MPZL3: variants seen among roughly 807,000 people sequenced by gnomAD.
MPZL3 encodes the protein myelin protein zero like 3.
A neutral mutation model predicts 24.8 loss-of-function variants in MPZL3; 23 were observed. The observed-to-expected ratio is 0.93, with a 90% CI of 0.67 to 1.31. The LOEUF is 1.31. Ranked by LOEUF, MPZL3 falls within the 40% of genes most tolerant of loss-of-function variation. The pLI, the probability that MPZL3 is intolerant of heterozygous loss-of-function variation, is 0.00. For synonymous variants in MPZL3, 99 were observed against 106.5 expected, an observed-to-expected ratio of 0.93 and a Z score of 0.44; for missense variants, 277 against 294.9, an observed-to-expected ratio of 0.94 and a Z score of 0.44.
At chr11:118,230,273 C>T (rs1376858147) in intron 5 of MPZL3, among the ~76,000 whole-genome samples, 1 of 152,142 alleles carries the variant, frequency 6.6e-6, no homozygotes, top group Non-Finnish European at 1.5e-5. Context: ...CAGAAATGTG[C>T]AAAATTGTGG....
chr11:118,240,733 ACACACAC>A (rs1390637300), intron 1 of MPZL3, among the ~76,000 whole-genome samples: 3 of 14,568 alleles, frequency 2.1e-4, no homozygotes, highest in Non-Finnish European at 4.5e-4. Flanking sequence ...TCCCCCGCAG[ACACACAC>A]ACACACACAC....
Position 118,235,437 on chromosome 11 carries a change from C to G in MPZL3, c.604G>C (p.Glu202Gln), listed in dbSNP as rs776331692. Residue 202 changes from glutamate to glutamine, a missense_variant, in exon 4 of 6, where the codon GAG (glutamate) becomes CAG (glutamine). Physicochemically the swap from Glu to Gln is conservative, Grantham distance 29 (BLOSUM62 2). Coordinates refer to ENST00000278949, the MANE Select transcript of MPZL3 (RefSeq NM_198275.3). ...TGCTGGACTTACTCATCGGAAACCT[C>G]AATAGATGACTTCTTATAGCCAGAC... is the stretch of plus-strand genomic sequence containing the variant. ...SRSGYKKSSI[E>Q]VSDDTDQEEE... The G allele has an allele frequency of 6.2e-7, 1 of 1,613,790 alleles. No homozygotes were observed. The highest frequency in any genetic ancestry group is 1.1e-5 in the South Asian group (1 of 91,062).
At chr11:118,249,340 C>T (rs1165051990) in intron 1 of MPZL3, among the ~76,000 whole-genome samples, 1 of 152,098 alleles carries the variant, frequency 6.6e-6, no homozygotes, top group Non-Finnish European at 1.5e-5. Flanking sequence ...CTTTTCTCTA[C>T]ATATATATAC....
chr11:118,248,294 G>A (rs911231353), intron 1 of MPZL3, among the ~76,000 whole-genome samples: 15 of 152,100 alleles, frequency 9.9e-5, no homozygotes, highest in African/African-American at 3.4e-4. Flanking sequence ...GATTACAGGC[G>A]TGAGCCACCG....
chr11:118,244,537 C>G (rs958989055), intron 1 of MPZL3, among the ~76,000 whole-genome samples: 3 of 152,054 alleles, frequency 2.0e-5, no homozygotes, highest in Non-Finnish European at 4.4e-5. Flanking sequence ...AGACACAGCA[C>G]ATGCAAAGGT....
chr11:118,244,371 T>G (rs563984901), intron 1 of MPZL3, among the ~76,000 whole-genome samples: 1 of 152,230 alleles, frequency 6.6e-6, no homozygotes, highest in South Asian at 2.1e-4. Context: ...GGATAACTAC[T>G]ATGAAGGAAG....
intron 2 of MPZL3, 84 bp downstream of exon 2, chr11:118,240,127 T>C (rs538655990): frequency 1.5e-6 from 2 of 1,325,910 alleles, no homozygotes; most frequent in Admixed American, 3.0e-5. Context: ...TAAGATGAGA[T>C]GGCCTCAGGC....
At chr11:118,233,219 C>A (rs773137684) in intron 5 of MPZL3, among the ~76,000 whole-genome samples, 1 of 152,112 alleles carries the variant, frequency 6.6e-6, no homozygotes, top group Non-Finnish European at 1.5e-5. Context: ...AACTACTCTA[C>A]GTGGCCCCCT....
At chr11:118,242,233 T>A (rs950058041) in intron 1 of MPZL3, among the ~76,000 whole-genome samples, 6 of 152,196 alleles carry the variant, frequency 3.9e-5, no homozygotes, top group African/African-American at 1.4e-4. Flanking sequence ...CAGTTCAAGC[T>A]TCAATGTCTT....
At chr11:118,232,019 G>GTAGAAGT (rs1377669839) in intron 5 of MPZL3, among the ~76,000 whole-genome samples, 4 of 152,206 alleles carry the variant, frequency 2.6e-5, no homozygotes, top group African/African-American at 9.7e-5. Context: ...ATTTCATTGA[G>GTAGAAGT]TAGAAGTCCA....
chr11:118,249,402 C>A (rs1949594406), intron 1 of MPZL3, among the ~76,000 whole-genome samples: 1 of 152,036 alleles, frequency 6.6e-6, no homozygotes, highest in Non-Finnish European at 1.5e-5. Flanking sequence ...TTTGTCTCTT[C>A]CACTCATAAA....
rs926700259 is a variant in MPZL3 at position 118,229,732 on chromosome 11, A to G, written c.*162T>C. The G allele has an allele frequency of 1.7e-6, 1 of 578,418 alleles. No homozygotes were observed. The highest frequency in any genetic ancestry group is 3.0e-6 in the Non-Finnish European group (1 of 331,310). The allele number at this position is 578,418 out of a possible 1,614,324, so 35.8% of individuals were successfully genotyped here. A position where few individuals can be genotyped will look rare whatever the true frequency, so the allele number is the denominator to read the frequency against. ...GTTTATAAATACAACAAGAACATTT[A>G]TTCAATAAATAAGTGGTTCCTAAAG... On this transcript the variant is annotated 3_prime_UTR_variant, in exon 6 of 6. Transcript: ENST00000278949.
chr11:118,238,964 T>C (rs1487224902), intron 2 of MPZL3, among the ~76,000 whole-genome samples: 2 of 152,214 alleles, frequency 1.3e-5, no homozygotes, highest in East Asian at 3.8e-4. Flanking sequence ...GAATTCAATG[T>C]TAAGTTCATG....
At chr11:118,234,702 T>C (rs933659664) in intron 4 of MPZL3, among the ~76,000 whole-genome samples, 1 of 150,720 alleles carries the variant, frequency 6.6e-6, no homozygotes, top group African/African-American at 2.4e-5. Context: ...TGGCACAGGG[T>C]GCTCTCTTAT....
At chr11:118,240,834 G>T (rs1195634636) in intron 1 of MPZL3, among the ~76,000 whole-genome samples, 1 of 151,468 alleles carries the variant, frequency 6.6e-6, no homozygotes, top group Non-Finnish European at 1.5e-5. Flanking sequence ...CCCAAGTATA[G>T]CATGGTTGCA....
chr11:118,245,580 T>C (rs1055094151), intron 1 of MPZL3, among the ~76,000 whole-genome samples: 3 of 152,114 alleles, frequency 2.0e-5, no homozygotes, highest in African/African-American at 7.2e-5. Flanking sequence ...TCTGGATGCA[T>C]TTAAGGTGCT....
chr11:118,245,732 G>A (rs1031177988), intron 1 of MPZL3, among the ~76,000 whole-genome samples: 3 of 152,226 alleles, frequency 2.0e-5, no homozygotes, highest in South Asian at 2.1e-4. Flanking sequence ...TGACCTTGCC[G>A]CTAGCTCTGG....
Position 118,252,361 on chromosome 11 carries a change from G to A in MPZL3, c.-67C>T, listed in dbSNP as rs903940290. On this transcript the variant is annotated 5_prime_UTR_variant, in exon 1 of 6. Coordinates refer to ENST00000278949, the MANE Select transcript of MPZL3 (RefSeq NM_198275.3). ...CCCGGTAACGACACAGGTAACACCGGAAGTGACGTCAGAGCAGGAGGCCGA... is the reference window on the plus strand; with the variant it reads ...CCCGGTAACGACACAGGTAACACCGAAAGTGACGTCAGAGCAGGAGGCCGA... The A allele has an allele frequency of 3.3e-6, 5 of 1,508,442 alleles. No individual in the cohort carries two copies. In the African/African-American group the frequency reaches 4.1e-5, roughly 12 times the overall value. The allele number at this position is 1,508,442 out of a possible 1,614,324, so 93.4% of individuals were successfully genotyped here. A position where few individuals can be genotyped will look rare whatever the true frequency, so the allele number is the denominator to read the frequency against.
chr11:118,240,428 T>A (rs769173985), intron 1 of MPZL3, 51 bp from the exon 2 acceptor site: 1 of 1,531,870 alleles, frequency 6.5e-7, no homozygotes, highest in Middle Eastern at 1.7e-4. Flanking sequence ...GGGTGGAATA[T>A]ACAGATGTGA....
Sources: gnomAD v4.1 joint callset for allele counts (sites outside exome capture counted in the v4.1 genomes callset) on GRCh38, gnomAD v4.1.1 for gene constraint, MANE v1.5 for transcripts, NCBI Gene and HGNC (gene_info 2026-07-23, HGNC 2026-07-21) for gene names.